RTP5: variants seen among roughly 807,000 people sequenced by gnomAD.
RTP5 encodes receptor transporter protein 5 (putative).
Under a neutral mutation model 23.5 loss-of-function variants are expected in RTP5, and 30 were observed. The observed-to-expected ratio is 1.27, with a 90% CI of 0.95 to 1.73. The LOEUF is 1.73. Among genes scored for constraint, RTP5 ranks in the 40% most tolerant of loss-of-function variants. The pLI is 0.00. For missense variants in RTP5, 807 were observed against 784.2 expected, an observed-to-expected ratio of 1.03 and a Z score of -0.35; for synonymous variants, 354 against 342.1, an observed-to-expected ratio of 1.03 and a Z score of -0.38.
chr2:241,873,487 C>A lies in RTP5; in HGVS notation c.*213C>A. 7.2e-6 allele frequency: 3 copies of A among 419,486 alleles called. No homozygotes were observed. Among genetic ancestry groups the A allele is most frequent in the Non-Finnish European group, 1.1e-5 (3 of 262,236 alleles). 26.0% of individuals were successfully genotyped at this position (419,486 alleles called of 1,614,324 possible). On this transcript the variant is annotated 3_prime_UTR_variant, in exon 2 of 2. Transcript: ENST00000343216. ...CCCCGCCTCACCTCTGAGACACCCC[C>A]CAACCCCACCTTTGAGATGCCCGCC...
In RTP5 at chr2:241,872,242, T is replaced by G. The variant is rs1267051498; in HGVS notation, c.687T>G (p.Ser229=). 1 of 1,605,518 alleles carries G rather than the reference T, an allele frequency of 6.2e-7. No homozygotes were observed. The highest frequency in any genetic ancestry group is 8.5e-7 in the Non-Finnish European group (1 of 1,175,460). The change falls in exon 2 of 2, where the codon TCT becomes TCG. Residue 229 remains serine (S), a synonymous_variant. Coordinates refer to ENST00000343216, the MANE Select transcript of RTP5 (RefSeq NM_173821.3). ...GCCCTGCCCCCCCTGCGGGGGCCTC[T>G]CTCCCTGTGACTGGCAGCTGTGAGG... The part of the protein sequence containing the change: ...AEGPAPPAGA[S]LPVTGSCEAL...
chr2:241,871,799 CG>C lies in RTP5; in HGVS notation c.249del (p.Leu84TrpfsTer2). ...FHLWWDRASHRGLVKMRIWGQ... is the reference protein window; with the variant it reads ...FHLWWDRASHXGLVKMRIWGQ... The stretch of plus-strand genomic sequence containing the variant: ...CCTGTGGTGGGACAGGGCCAGCCAC[CG>C]GGGGCTGGTGAAGATGCGCATCTGG... On this transcript the variant is annotated frameshift_variant, in exon 2 of 2. Coordinates refer to ENST00000343216, the MANE Select transcript of RTP5 (RefSeq NM_173821.3). LOFTEE classifies it low-confidence loss of function (END_TRUNC). 3.2e-6 allele frequency: 5 copies of C among 1,577,592 alleles called. No individual in the cohort carries two copies. Among genetic ancestry groups the C allele is most frequent in the African/African-American group, 1.3e-5 (1 of 74,286 alleles).
Position 241,872,368 on chromosome 2 carries a change from C to CG in RTP5, c.815dup (p.Gly274ArgfsTer91). 1 of 1,611,228 alleles carries CG rather than the reference C, an allele frequency of 6.2e-7. No homozygotes were observed. Among genetic ancestry groups the CG allele is most frequent in the African/African-American group, 1.3e-5 (1 of 74,938 alleles). On this transcript the variant is annotated frameshift_variant, in exon 2 of 2. Coordinates refer to ENST00000343216, the MANE Select transcript of RTP5 (RefSeq NM_173821.3). LOFTEE classifies it high-confidence loss of function. ...TGGCCATTGGAGACCCCCTCTTCCA[C>CG]GGCCCCGGCCTCCTCGGCAGCAGCA...
In RTP5 at chr2:241,872,264, G is replaced by A; in HGVS notation, c.709G>A (p.Glu237Lys). 6.2e-7 allele frequency: 1 copy of A among 1,601,348 alleles called. No homozygotes were observed. Among genetic ancestry groups the A allele is most frequent in the Non-Finnish European group, 8.5e-7 (1 of 1,172,882 alleles). ...GASLPVTGSC[E>K]ALVIGQGSIF... ...CTCTCTCCCTGTGACTGGCAGCTGT[G>A]AGGCCCTGGTCATCGGCCAGGGCTC... is the stretch of plus-strand genomic sequence containing the variant. The change falls in exon 2 of 2, where the codon GAG becomes AAG. Residue 237 changes from glutamate (E) to lysine (K), a missense_variant. Physicochemically the swap from Glu to Lys is moderately conservative, Grantham distance 56. Transcript: ENST00000343216.
Position 241,872,135 on chromosome 2 carries a change from G to A in RTP5, c.580G>A (p.Asp194Asn), listed in dbSNP as rs757957385. ...CAAACCGCTGTCCACCCCTGGCGAC[G>A]ACCTTGGCAAGGGTGGCGTTGTCAT... ...RGKPLSTPGD[D>N]LGKGGVVIAI... The change falls in exon 2 of 2, where the codon GAC becomes AAC. Residue 194 changes from aspartate (D) to asparagine (N), a missense_variant. Coordinates refer to ENST00000343216, the MANE Select transcript of RTP5 (RefSeq NM_173821.3). The A allele has an allele frequency of 2.3e-5, 37 of 1,609,870 alleles. No homozygotes were observed. Among genetic ancestry groups the A allele is most frequent in the East Asian group, 4.5e-5 (2 of 44,828 alleles).
intron 1 of RTP5, among the ~76,000 whole-genome samples, 169 bp from the exon 2 acceptor site, chr2:241,871,545 C>T (rs1701316372): frequency 6.6e-6 from 1 of 152,040 alleles, no homozygotes; most frequent in Non-Finnish European, 1.5e-5. Flanking sequence ...GCCTTGGCCG[C>T]GGCCCTGGGT....
At position 241,872,056 on chromosome 2, in the gene RTP5, A is replaced by G. The variant is rs892219132; in HGVS notation, c.501A>G (p.Thr167=). Residue 167 remains threonine (T), a synonymous_variant, in exon 2 of 2, where the codon ACA becomes ACG. Coordinates refer to ENST00000343216, the MANE Select transcript of RTP5 (RefSeq NM_173821.3). The part of the protein sequence containing the change: ...APDPAWSANA[T]KGNFPATAWG... The stretch of plus-strand genomic sequence containing the variant: ...ACCCCGCCTGGAGCGCCAACGCCAC[A>G]AAAGGCAACTTCCCCGCCACGGCCT... 6 of 1,569,068 alleles carry G rather than the reference A, an allele frequency of 3.8e-6. No homozygotes were observed. The highest frequency in any genetic ancestry group is 5.2e-6 in the Non-Finnish European group (6 of 1,152,738).
Position 241,873,415 on chromosome 2 carries a change from T to A in RTP5, c.*141T>A. On this transcript the variant is annotated 3_prime_UTR_variant, in exon 2 of 2. Transcript: ENST00000343216. ...GACCCCTTTCTCTGAGACCCCCGCC[T>A]CTGAGGCCCCGCCCCCCGCCTCCGA... The A allele has an allele frequency of 1.5e-6, 1 of 648,730 alleles. No homozygotes were observed. Among genetic ancestry groups the A allele is most frequent in the Non-Finnish European group, 2.1e-6 (1 of 478,604 alleles). 40.2% of individuals were successfully genotyped at this position (648,730 alleles called of 1,614,324 possible).
In RTP5 at chr2:241,871,814, A is replaced by G. The variant is rs1162227465; in HGVS notation, c.259A>G (p.Met87Val). The G allele has an allele frequency of 4.5e-6, 7 of 1,569,948 alleles. No homozygotes were observed. The highest frequency in any genetic ancestry group is 8.6e-7 in the Non-Finnish European group (1 of 1,158,698). Reference sequence around the variant, plus strand: ...GGCCAGCCACCGGGGGCTGGTGAAGATGCGCATCTGGGGCCAGCGGTGCAG... The same window carrying G: ...GGCCAGCCACCGGGGGCTGGTGAAGGTGCGCATCTGGGGCCAGCGGTGCAG... Reference protein sequence around the residue: ...DRASHRGLVKMRIWGQRCRLC... With the variant: ...DRASHRGLVKVRIWGQRCRLC... The change falls in exon 2 of 2, where the codon ATG (methionine) becomes GTG (valine). Residue 87 changes from methionine to valine, a missense_variant. Physicochemically the swap from Met to Val is conservative, Grantham distance 21. Transcript: ENST00000343216.
At position 241,872,280 on chromosome 2, in the gene RTP5, G is replaced by T. The variant is rs760167619; in HGVS notation, c.725G>T (p.Gly242Val). The part of the protein sequence containing the change: ...VTGSCEALVI[G>V]QGSIFLSGDS... ...GGCAGCTGTGAGGCCCTGGTCATCG[G>T]CCAGGGCTCCATCTTCCTGTCTGGG... Residue 242 changes from glycine (G) to valine (V), a missense_variant, in exon 2 of 2, where the codon GGC (glycine) becomes GTC (valine). Coordinates refer to ENST00000343216, the MANE Select transcript of RTP5 (RefSeq NM_173821.3). 6.3e-7 allele frequency: 1 copy of T among 1,599,424 alleles called. No individual in the cohort carries two copies. Among genetic ancestry groups the T allele is most frequent in the Non-Finnish European group, 8.5e-7 (1 of 1,171,618 alleles).
intron 1 of RTP5, chr2:241,871,315 A>G (rs937261745): frequency 2.9e-6 from 1 of 339,162 alleles, no homozygotes; most frequent in African/African-American, 2.2e-5. Flanking sequence ...AACTCACAAA[A>G]CACCAGCAGA....
rs1006891332 is a variant in RTP5 at position 241,873,274 on chromosome 2, A to T, written c.1719A>T (p.Ter573CysextTer17). 6.4e-7 allele frequency: 1 copy of T among 1,568,844 alleles called. No individual in the cohort carries two copies. The highest frequency in any genetic ancestry group is 8.6e-7 in the Non-Finnish European group (1 of 1,160,122). ...CCGGGATCTACCCGCAGCAAGTGTGACGCCCCGAAGTTCAGGCAACCCTCG... is the reference window on the plus strand; with the variant it reads ...CCGGGATCTACCCGCAGCAAGTGTGTCGCCCCGAAGTTCAGGCAACCCTCG... ...LNPGIYPQQV[*>C] Residue 573 changes from the stop codon to cysteine, a stop_lost, in exon 2 of 2, where the codon TGA (stop) becomes TGT (cysteine). Coordinates refer to ENST00000343216, the MANE Select transcript of RTP5 (RefSeq NM_173821.3).
chr2:241,870,332 G>A (rs866216679), intron 1 of RTP5, among the ~76,000 whole-genome samples: 4 of 152,336 alleles, frequency 2.6e-5, no homozygotes, highest in Admixed American at 2.0e-4. Context: ...GGCCCTGATC[G>A]GGGGCCCGGG....
In RTP5 at chr2:241,871,883, G is replaced by A. The variant is rs755794520; in HGVS notation, c.328G>A (p.Glu110Lys). Residue 110 changes from glutamate to lysine, a missense_variant, in exon 2 of 2, where the codon GAG (glutamate) becomes AAG (lysine). Physicochemically the swap from Glu to Lys is moderately conservative, Grantham distance 56. Coordinates refer to ENST00000343216, the MANE Select transcript of RTP5 (RefSeq NM_173821.3). ...GGACTGCCAGGTGAGGCCCCCGGGC[G>A]AGCAGCCCTTCCTCAGCAGGCTGGT... Reference protein sequence around the residue: ...PGDCQVRPPGEQPFLSRLVLH... With the variant: ...PGDCQVRPPGKQPFLSRLVLH... 4.5e-6 allele frequency: 7 copies of A among 1,553,628 alleles called. No homozygotes were observed. The highest frequency in any genetic ancestry group is 4.7e-5 in the East Asian group (2 of 42,256).
Position 241,871,892 on chromosome 2 carries a change from T to G in RTP5, c.337T>G (p.Phe113Val). 1 of 1,561,510 alleles carries G rather than the reference T, an allele frequency of 6.4e-7. No individual in the cohort carries two copies. Among genetic ancestry groups the G allele is most frequent in the South Asian group, 1.2e-5 (1 of 85,676 alleles). The change falls in exon 2 of 2, where the codon TTC becomes GTC. Residue 113 changes from phenylalanine (F) to valine (V), a missense_variant. Phe to Val is a conservative substitution (Grantham distance 50). Coordinates refer to ENST00000343216, the MANE Select transcript of RTP5 (RefSeq NM_173821.3). ...CQVRPPGEQP[F>V]LSRLVLHILQ... ...GGTGAGGCCCCCGGGCGAGCAGCCC[T>G]TCCTCAGCAGGCTGGTCTTGCACAT...
chr2:241,871,999 G>C lies in RTP5; in HGVS notation c.444G>C (p.Glu148Asp). Reference protein sequence around the residue: ...EAYEGCCEACELGVCFLQKAP... With the variant: ...EAYEGCCEACDLGVCFLQKAP... The stretch of plus-strand genomic sequence containing the variant: ...ATGAGGGCTGCTGTGAGGCCTGTGA[G>C]CTGGGGGTCTGCTTCCTCCAGAAGG... The change falls in exon 2 of 2, where the codon GAG becomes GAC. Residue 148 changes from glutamate to aspartate, a missense_variant. Glu to Asp is a conservative substitution (Grantham distance 45, BLOSUM62 2). Coordinates refer to ENST00000343216, the MANE Select transcript of RTP5 (RefSeq NM_173821.3). 6.3e-7 allele frequency: 1 copy of C among 1,581,920 alleles called. No homozygotes were observed. The highest frequency in any genetic ancestry group is 1.1e-5 in the South Asian group (1 of 88,176).
rs1464306295 is a variant in RTP5, at chr2:241,869,765, G to T, written c.9G>T (p.Arg3=). The change falls in exon 1 of 2, where the codon CGG becomes CGT. Residue 3 remains arginine, a synonymous_variant. Coordinates refer to ENST00000343216, the MANE Select transcript of RTP5 (RefSeq NM_173821.3). MD[R]AGADMWASTF... is the part of the protein sequence containing the mutation. ...CGGAGCCAGGCGGCAGCATGGACCGGGCTGGGGCAGACATGTGGGCCAGCA... is the reference window on the plus strand; with the variant it reads ...CGGAGCCAGGCGGCAGCATGGACCGTGCTGGGGCAGACATGTGGGCCAGCA... 7 of 1,531,266 alleles carry T rather than the reference G, an allele frequency of 4.6e-6. No individual in the cohort carries two copies. The East Asian group carries it at 1.5e-4, about 33-fold the overall frequency. The allele number at this position is 1,531,266 out of a possible 1,614,324, so 94.9% of individuals were successfully genotyped here.
At position 241,871,634 on chromosome 2, in the gene RTP5, G is replaced by A; in HGVS notation, c.159-80G>A. The A allele has an allele frequency of 2.1e-6, 3 of 1,460,892 alleles. No homozygotes were observed. In the South Asian group the frequency reaches 4.3e-5, roughly 21 times the overall value. The allele number at this position is 1,460,892 out of a possible 1,614,324, so 90.5% of individuals were successfully genotyped here. A position where few individuals can be genotyped will look rare whatever the true frequency, so the allele number is the denominator to read the frequency against. ...GAGGCGCTGGGGTCGGATGGGCAAGGAGGCCGCAGAGCAGAGTGCGAGGGC... is the reference window on the plus strand; with the variant it reads ...GAGGCGCTGGGGTCGGATGGGCAAGAAGGCCGCAGAGCAGAGTGCGAGGGC... On this transcript the variant is annotated intron_variant, in intron 1 of 1. Transcript: ENST00000343216.
At chr2:241,871,648 G>A (rs1701318179) in intron 1 of RTP5, 66 bp from the exon 2 acceptor site, 1 of 1,495,116 alleles carries the variant, frequency 6.7e-7, no homozygotes, top group Admixed American at 2.3e-5. Context: ...CCGCAGAGCA[G>A]AGTGCGAGGG....
Sources: gnomAD v4.1 joint callset for allele counts (sites outside exome capture counted in the v4.1 genomes callset) on GRCh38, gnomAD v4.1.1 for gene constraint, MANE v1.5 for transcripts, NCBI Gene and HGNC (gene_info 2026-07-23, HGNC 2026-07-21) for gene names.